The following PXDN variants were observed in gnomAD, a reference collection of about 807,000 sequenced individuals.
The protein encoded by PXDN is peroxidasin homolog.
PXDN carries 77 observed loss-of-function variants against 140.3 expected under a neutral mutation model. The ratio of observed to expected loss-of-function variants is 0.55; its 90% CI spans 0.46 to 0.66. PXDN has a LOEUF of 0.66. Ranked by LOEUF, PXDN falls within the 30% of genes least tolerant of loss-of-function variation. The pLI is 0.00. For missense variants in PXDN, 1,838 were observed against 2,039.5 expected (o/e 0.90, Z 1.90); for synonymous variants, 911 against 857.4 (o/e 1.06, Z -1.09).
intron 1 of PXDN, among the ~76,000 whole-genome samples, chr2:1,721,635 G>A (rs1012902588): frequency 2.6e-5 from 4 of 152,210 alleles, no homozygotes; most frequent in Non-Finnish European, 2.9e-5. Context: ...AGGAGATCAA[G>A]ACCATACTGG....
chr2:1,735,089 C>T (rs1224347829), intron 1 of PXDN, among the ~76,000 whole-genome samples: 1 of 152,182 alleles, frequency 6.6e-6, no homozygotes, highest in Non-Finnish European at 1.5e-5. Context: ...TCTAGTTTAT[C>T]ATGAAGTTGC....
Position 1,649,800 on chromosome 2 carries a change from C to A in PXDN, c.2105-125G>T, listed in dbSNP as rs1466857537. On this transcript the variant is annotated intron_variant, in intron 16 of 22. Transcript: ENST00000252804. This position sits in a 1 kb window ranked among gnomAD's most constrained non-coding sequence, Gnocchi z 7.1. The stretch of plus-strand genomic sequence containing the variant: ...CCCCCAGCTCATGAAACCTGTTGTG[C>A]GCCATGCAACAAGCGCTTCCTGCTG... 5 of 1,117,940 alleles carry A rather than the reference C, an allele frequency of 4.5e-6. No homozygotes were observed. Among genetic ancestry groups the A allele is most frequent in the Admixed American group, 2.0e-5 (1 of 49,924 alleles). 69.3% of individuals were successfully genotyped at this position (1,117,940 alleles called of 1,614,324 possible). A position where few individuals can be genotyped will look rare whatever the true frequency, so the allele number is the denominator to read the frequency against.
rs1008801945 is a variant in PXDN at position 1,649,781 on chromosome 2, G to A, written c.2105-106C>T. 71 of 1,308,446 alleles carry A rather than the reference G, an allele frequency of 5.4e-5. No individual in the cohort carries two copies. The East Asian group carries it at 1.6e-3, about 30-fold the overall frequency. The allele number at this position is 1,308,446 out of a possible 1,614,324, so 81.1% of individuals were successfully genotyped here. ...GCTGACATGGGGCTATCTACCCCCA[G>A]CTCATGAAACCTGTTGTGCGCCATG... On this transcript the variant is annotated intron_variant, in intron 16 of 22. Coordinates refer to ENST00000252804, the MANE Select transcript of PXDN (RefSeq NM_012293.3). This position sits in a 1 kb window ranked among gnomAD's most constrained non-coding sequence, Gnocchi z 7.1.
intron 9 of PXDN, among the ~76,000 whole-genome samples, chr2:1,667,513 T>C (rs1294559800): frequency 6.6e-6 from 1 of 152,146 alleles, no homozygotes; most frequent in Non-Finnish European, 1.5e-5. Context: ...AGTCAAATTG[T>C]CTCTGTTTGC....
At position 1,676,971 on chromosome 2, in the gene PXDN, T is replaced by G. The variant is rs1324342304; in HGVS notation, c.804A>C (p.Arg268Ser). Reference protein sequence around the residue: ...TSGNTVYFTCRAEGNPKPEII... With the variant: ...TSGNTVYFTCSAEGNPKPEII... ...TCTCAGGCTTGGGGTTGCCTTCGGC[T>G]CTGCAGGTGAAGTACACGGTGTTCC... The change falls in exon 8 of 23, where the codon AGA (arginine) becomes AGC (serine). Residue 268 changes from arginine (R) to serine (S), a missense_variant. By Grantham distance (110) the Arg-to-Ser change is moderately radical. This residue lies in a region of PXDN where 208 missense variants were observed against 325.8 expected (regional missense o/e 0.64). Transcript: ENST00000252804. 2 of 1,613,168 alleles carry G rather than the reference T, an allele frequency of 1.2e-6. No homozygotes were observed. Among genetic ancestry groups the G allele is most frequent in the South Asian group, 2.2e-5 (2 of 90,636 alleles).
chr2:1,697,614 G>A (rs1035568457), intron 1 of PXDN, among the ~76,000 whole-genome samples: 10 of 3,758 alleles, frequency 2.7e-3, no homozygotes, highest in Non-Finnish European at 3.1e-3. Flanking sequence ...AATCCTAACG[G>A]GGGGGGAAAA....
chr2:1,686,342 A>G (rs1684056288), intron 4 of PXDN, among the ~76,000 whole-genome samples: 1 of 152,170 alleles, frequency 6.6e-6, no homozygotes, highest in South Asian at 2.1e-4. Context: ...CCAGCTCAAG[A>G]AGCCCTCCCC....
intron 1 of PXDN, 30 bp from the exon 2 acceptor site, chr2:1,693,164 G>T: frequency 6.7e-7 from 1 of 1,486,784 alleles, no homozygotes; most frequent in Non-Finnish European, 9.1e-7. Flanking sequence ...GTATTATTAC[G>T]TGAAAAAAAA....
chr2:1,722,166 G>A (rs1003603962), intron 1 of PXDN, among the ~76,000 whole-genome samples: 6 of 152,188 alleles, frequency 3.9e-5, no homozygotes, highest in African/African-American at 1.2e-4. Flanking sequence ...CTGAGCGAGC[G>A]GACACAAAAT....
At chr2:1,735,514 C>T (rs926550806) in intron 1 of PXDN, among the ~76,000 whole-genome samples, 1 of 152,206 alleles carries the variant, frequency 6.6e-6, no homozygotes, top group Non-Finnish European at 1.5e-5. Flanking sequence ...TCCATCAGAG[C>T]TCTTGGGTGA....
chr2:1,644,748 A>G lies in PXDN; in HGVS notation c.3613T>C (p.Tyr1205His), dbSNP rs1412409853. The change falls in exon 18 of 23, where the codon TAT becomes CAT. Residue 1205 changes from tyrosine (Y) to histidine (H), a missense_variant. Coordinates refer to ENST00000252804, the MANE Select transcript of PXDN (RefSeq NM_012293.3). Reference sequence around the variant, plus strand: ...AGGTCGATGTTGAGTGTCGAGCCATACAACCTAAAAAATAAAGAGAAAACT... The same window carrying G: ...AGGTCGATGTTGAGTGTCGAGCCATGCAACCTAAAAAATAAAGAGAAAACT... ...PEIREKLKRL[Y>H]GSTLNIDLFP... 1 of 1,526,792 alleles carries G rather than the reference A, an allele frequency of 6.5e-7. No homozygotes were observed. Among genetic ancestry groups the G allele is most frequent in the Non-Finnish European group, 8.9e-7 (1 of 1,129,460 alleles). The allele number at this position is 1,526,792 out of a possible 1,614,324, so 94.6% of individuals were successfully genotyped here.
Position 1,666,416 on chromosome 2 carries a change from G to A in PXDN, c.1089C>T (p.Cys363=), listed in dbSNP as rs1488999459. The A allele has an allele frequency of 6.2e-6, 10 of 1,613,686 alleles. No homozygotes were observed. Among genetic ancestry groups the A allele is most frequent in the Non-Finnish European group, 5.1e-6 (6 of 1,179,786 alleles). The stretch of plus-strand genomic sequence containing the variant: ...GCGGCGGGGGGTGGCCTGTGGCGCT[G>A]CACTCCAGCGTGACGCTCTCCCCAA... ...VLVGESVTLE[C]SATGHPPPRI... The change falls in exon 10 of 23, where the codon TGC becomes TGT. Residue 363 remains cysteine (C), a synonymous_variant. Transcript: ENST00000252804.
intron 1 of PXDN, among the ~76,000 whole-genome samples, chr2:1,735,226 A>T (rs1317143025): frequency 1.3e-5 from 2 of 152,196 alleles, no homozygotes; most frequent in Non-Finnish European, 2.9e-5. Context: ...GGTTGGAATC[A>T]ACTTCTTCTA....
intron 10 of PXDN, among the ~76,000 whole-genome samples, chr2:1,665,783 T>C (rs1683419875): frequency 6.6e-6 from 1 of 152,224 alleles, no homozygotes; most frequent in Non-Finnish European, 1.5e-5. Flanking sequence ...AATGTAGAAA[T>C]CCATGGCAGA....
At chr2:1,677,285 G>A (rs1166548221) in intron 7 of PXDN, among the ~76,000 whole-genome samples, 1 of 152,208 alleles carries the variant, frequency 6.6e-6, no homozygotes, top group African/African-American at 2.4e-5. Context: ...GAGACAGGCT[G>A]GCTCAGAGTT....
rs1170140087 is a variant in PXDN at position 1,648,682 on chromosome 2, T to A, written c.3098A>T (p.His1033Leu). Residue 1033 changes from histidine to leucine, a missense_variant, in exon 17 of 23, where the codon CAC (histidine) becomes CTC (leucine). Around this residue, in one of 5 missense-constraint regions of PXDN, gnomAD observed 850 missense variants for 894.1 expected, o/e 0.95. Coordinates refer to ENST00000252804, the MANE Select transcript of PXDN (RefSeq NM_012293.3). The surrounding 1 kb of genome is among the most constrained non-coding windows in gnomAD (Gnocchi z 8.9). ...GAEIQHITYQ[H>L]WLPKILGEVG... ...CTCCCCCAGGATCTTCGGGAGCCAGTGCTGGTAGGTGATGTGCTGGATCTC... is the reference window on the plus strand; with the variant it reads ...CTCCCCCAGGATCTTCGGGAGCCAGAGCTGGTAGGTGATGTGCTGGATCTC... 10 of 1,607,814 alleles carry A rather than the reference T, an allele frequency of 6.2e-6. No homozygotes were observed. The African/African-American group carries it at 9.4e-5, about 15-fold the overall frequency.
At chr2:1,736,701 G>T (rs1373750060) in intron 1 of PXDN, among the ~76,000 whole-genome samples, 1 of 152,090 alleles carries the variant, frequency 6.6e-6, no homozygotes, top group Non-Finnish European at 1.5e-5. Flanking sequence ...ATCCAGGCAT[G>T]GGGGCACGTG....
chr2:1,654,552 C>T (rs776493072), intron 14 of PXDN, 44 bp from the exon 15 acceptor site: 1 of 1,293,424 alleles, frequency 7.7e-7, no homozygotes, highest in East Asian at 2.3e-5. Context: ...AAATACTGCA[C>T]AATTACTCAT....
intron 21 of PXDN, 63 bp downstream of exon 21, chr2:1,638,783 C>A: frequency 6.2e-7 from 1 of 1,606,042 alleles, no homozygotes. Context: ...CCAGAAGGTT[C>A]GGGCAGGGCT....
Sources: gnomAD v4.1 joint callset for allele counts (sites outside exome capture counted in the v4.1 genomes callset) on GRCh38, gnomAD v4.1.1 for gene constraint, gnomAD v4.1.1 regional missense constraint, Gnocchi (gnomAD v3.1) non-coding constraint, MANE v1.5 for transcripts, NCBI Gene and HGNC (gene_info 2026-07-23, HGNC 2026-07-21) for gene names.